The following BRPF3 variants were observed in gnomAD, a reference collection of about 807,000 sequenced individuals.
BRPF3 encodes bromodomain and PHD finger containing 3.
Under a neutral mutation model 102.0 loss-of-function variants are expected in BRPF3, and 18 were observed. The ratio of observed to expected loss-of-function variants is 0.18; its 90% confidence interval spans 0.12 to 0.26. The LOEUF is 0.26. Ranked by LOEUF, BRPF3 falls within the 10% of genes least tolerant of loss-of-function variation. The pLI is 1.00. For missense variants in BRPF3, 1,147 were observed against 1,567.8 expected (o/e 0.73, Z 4.53); for synonymous variants, 570 against 614.2 (o/e 0.93, Z 1.06).
chr6:36,218,542 C>T (rs1199560806), intron 9 of BRPF3, among the ~76,000 whole-genome samples: 1 of 151,522 alleles, frequency 6.6e-6, no homozygotes, highest in Non-Finnish European at 1.5e-5. Flanking sequence ...TCACTGCAAC[C>T]TCCGCCTCCT....
intron 2 of BRPF3, among the ~76,000 whole-genome samples, chr6:36,204,156 G>A (rs1407959632): frequency 6.6e-6 from 1 of 152,064 alleles, no homozygotes; most frequent in Non-Finnish European, 1.5e-5. Flanking sequence ...TTTATACCAT[G>A]AAAAACCAGA....
chr6:36,224,433 A>G (rs1003743235), intron 10 of BRPF3, among the ~76,000 whole-genome samples: 1 of 152,218 alleles, frequency 6.6e-6, no homozygotes, highest in Non-Finnish European at 1.5e-5. Context: ...GTAAGATGAA[A>G]GGATGCAGTG....
In BRPF3 at chr6:36,210,163, G is replaced by T. The variant is rs768507839; in HGVS notation, c.1867-53G>T. ...GGCCAAGAGTATTGGTGAAGGGTGT[G>T]TCTGTTTGGCTAGTAAATGGTTGTT... On this transcript the variant is annotated intron_variant, in intron 5 of 12. Transcript: ENST00000357641. The surrounding 1 kb of genome is among the most constrained non-coding windows in gnomAD (Gnocchi z 4.7). 3 of 1,590,432 alleles carry T rather than the reference G, an allele frequency of 1.9e-6. No homozygotes were observed. The African/African-American group carries it at 4.0e-5, about 21-fold the overall frequency.
At position 36,201,007 on chromosome 6, in the gene BRPF3, A is replaced by G. The variant is rs896561907; in HGVS notation, c.685A>G (p.Ile229Val). Residue 229 changes from isoleucine (I) to valine (V), a missense_variant, in exon 2 of 13, where the codon ATT (isoleucine) becomes GTT (valine). Ile to Val is a conservative substitution (Grantham distance 29). This residue lies in a region of BRPF3 where 221 missense variants were observed against 337.1 expected (regional missense o/e 0.66). Coordinates refer to ENST00000357641, the MANE Select transcript of BRPF3 (RefSeq NM_015695.3). This position sits in a 1 kb window ranked among gnomAD's most constrained non-coding sequence, Gnocchi z 5.1. ...LDDECHNSNV[I>V]LFCDICNLAV... ...TGATGAATGTCACAATAGCAATGTT[A>G]TTCTCTTCTGTGACATCTGCAACCT... 1.5e-5 allele frequency: 24 copies of G among 1,614,088 alleles called. No individual in the cohort carries two copies. The highest frequency in any genetic ancestry group is 2.0e-5 in the Non-Finnish European group (24 of 1,180,024).
At chr6:36,197,620 G>A (rs908550991) in intron 1 of BRPF3, 4 of 151,880 alleles carry the variant, frequency 2.6e-5, no homozygotes, top group Admixed American at 6.6e-5. Context: ...ACCTGGATGG[G>A]GTGGGTGAGC....
In BRPF3 at chr6:36,210,115, A is replaced by G; in HGVS notation, c.1867-101A>G. ...CTGTAGGTCTTTGAGTTAGCCTGGC[A>G]TGGCCAAATCAGAAATTGAGGAGGC... On this transcript the variant is annotated intron_variant, in intron 5 of 12. Transcript: ENST00000357641. This position sits in a 1 kb window ranked among gnomAD's most constrained non-coding sequence, Gnocchi z 4.7. 2 of 1,486,612 alleles carry G rather than the reference A, an allele frequency of 1.3e-6. No individual in the cohort carries two copies. Among genetic ancestry groups the G allele is most frequent in the South Asian group, 2.3e-5 (2 of 85,796 alleles). 92.1% of individuals were successfully genotyped at this position (1,486,612 alleles called of 1,614,324 possible). A position where few individuals can be genotyped will look rare whatever the true frequency, so the allele number is the denominator to read the frequency against.
At chr6:36,220,906 T>C (rs1768512117) in intron 9 of BRPF3, among the ~76,000 whole-genome samples, 1 of 152,240 alleles carries the variant, frequency 6.6e-6, no homozygotes, top group African/African-American at 2.4e-5. Context: ...GGGAGTACCC[T>C]ACTCTCCAAC....
At chr6:36,206,062 T>C (rs563392184) in intron 3 of BRPF3, among the ~76,000 whole-genome samples, 13 of 152,310 alleles carry the variant, frequency 8.5e-5, no homozygotes, top group African/African-American at 3.1e-4. Context: ...TTAAGCTGCT[T>C]TGGGGGCTTT....
chr6:36,221,885 C>T (rs557836349), intron 9 of BRPF3, among the ~76,000 whole-genome samples: 83 of 152,262 alleles, frequency 5.5e-4, no homozygotes, highest in African/African-American at 1.9e-3. Context: ...ACTGGTGTGA[C>T]CTTTCCTTTG....
intron 12 of BRPF3, 58 bp downstream of exon 12, chr6:36,229,114 T>G: frequency 1.3e-6 from 2 of 1,582,896 alleles, no homozygotes; most frequent in South Asian, 2.3e-5. Flanking sequence ...GTGCCAGTGG[T>G]GCTGTGCTAG....
rs915035790 is a variant in BRPF3 at position 36,230,396 on chromosome 6, G to T, written c.3435-30G>T. The T allele has an allele frequency of 3.1e-6, 5 of 1,609,944 alleles. No homozygotes were observed. Among genetic ancestry groups the T allele is most frequent in the Admixed American group, 3.3e-5 (2 of 59,818 alleles). On this transcript the variant is annotated intron_variant, in intron 12 of 12. Coordinates refer to ENST00000357641, the MANE Select transcript of BRPF3 (RefSeq NM_015695.3). The surrounding 1 kb of genome is among the most constrained non-coding windows in gnomAD (Gnocchi z 5.4). ...CGAGCCCCCTGTGAGACCCACTACT[G>T]CCCAGCCTCTTACTGTGCTTGCATT...
At chr6:36,221,113 C>T (rs1212675829) in intron 9 of BRPF3, among the ~76,000 whole-genome samples, 1 of 152,110 alleles carries the variant, frequency 6.6e-6, no homozygotes, top group African/African-American at 2.4e-5. Context: ...CTACGGTGTA[C>T]ATTAGAATTG....
At chr6:36,199,693 C>T (rs1184340425) in intron 1 of BRPF3, among the ~76,000 whole-genome samples, 2 of 152,200 alleles carry the variant, frequency 1.3e-5, no homozygotes, top group African/African-American at 2.4e-5. Flanking sequence ...AGTTAGCTGT[C>T]GCCCAGCTTT....
At chr6:36,197,399 C>T (rs1049532559) in intron 1 of BRPF3, 2 of 152,334 alleles carry the variant, frequency 1.3e-5, no homozygotes, top group Non-Finnish European at 2.9e-5. Flanking sequence ...GAGGGTCGGA[C>T]TCCACGTCAG....
chr6:36,213,387 T>A (rs1372706462), intron 7 of BRPF3, among the ~76,000 whole-genome samples: 1 of 152,178 alleles, frequency 6.6e-6, no homozygotes, highest in African/African-American at 2.4e-5. Context: ...GAACTACTAG[T>A]GTAGATAAAA....
Position 36,230,719 on chromosome 6 carries a change from A to G in BRPF3, c.*110A>G, listed in dbSNP as rs1768911941. The G allele has an allele frequency of 3.0e-6, 4 of 1,344,906 alleles. No homozygotes were observed. In the South Asian group the frequency reaches 5.8e-5, roughly 20 times the overall value. The allele number at this position is 1,344,906 out of a possible 1,614,324, so 83.3% of individuals were successfully genotyped here. A position where few individuals can be genotyped will look rare whatever the true frequency, so the allele number is the denominator to read the frequency against. The stretch of plus-strand genomic sequence containing the variant: ...GCCGGCAGCTTCCCCCTCTCATGGT[A>G]GGCCAGGGACTGGGCTTTCTCCCCA... On this transcript the variant is annotated 3_prime_UTR_variant, in exon 13 of 13. Transcript: ENST00000357641. The surrounding 1 kb of genome is among the most constrained non-coding windows in gnomAD (Gnocchi z 5.4).
Position 36,218,025 on chromosome 6 carries a change from C to T in BRPF3, c.3083+15C>T. ...GAAGCTTGCAGGTAAGAACACATTC[C>T]CAAAGCTTTGTCAGCAGCTCTGCTA... is the stretch of plus-strand genomic sequence containing the variant. On this transcript the variant is annotated intron_variant, in intron 9 of 12. Coordinates refer to ENST00000357641, the MANE Select transcript of BRPF3 (RefSeq NM_015695.3). 1 of 1,606,242 alleles carries T rather than the reference C, an allele frequency of 6.2e-7. No homozygotes were observed. The highest frequency in any genetic ancestry group is 8.5e-7 in the Non-Finnish European group (1 of 1,175,332).
At chr6:36,224,561 C>T (rs1768668207) in intron 10 of BRPF3, among the ~76,000 whole-genome samples, 1 of 152,110 alleles carries the variant, frequency 6.6e-6, no homozygotes, top group South Asian at 2.1e-4. Context: ...TAGGTGTGAC[C>T]CTGTCAGAAA....
intron 9 of BRPF3, among the ~76,000 whole-genome samples, chr6:36,218,643 G>A (rs1006594071): frequency 6.6e-6 from 1 of 151,996 alleles, no homozygotes; most frequent in Non-Finnish European, 1.5e-5. Context: ...TATTTTAGTA[G>A]AGATGAGGTT....
Sources: gnomAD v4.1 joint callset for allele counts (sites outside exome capture counted in the v4.1 genomes callset) on GRCh38, gnomAD v4.1.1 for gene constraint, gnomAD v4.1.1 regional missense constraint, Gnocchi (gnomAD v3.1) non-coding constraint, MANE v1.5 for transcripts, NCBI Gene and HGNC (gene_info 2026-07-23, HGNC 2026-07-21) for gene names.